The following KIRREL3 variants were observed in gnomAD, a reference collection of about 807,000 sequenced individuals.
KIRREL3 encodes the protein kirre like nephrin family adhesion molecule 3, also known as kin of IRRE-like protein 3.
Under a neutral mutation model 89.7 loss-of-function variants are expected in KIRREL3, and 36 were observed. The ratio of observed to expected loss-of-function variants is 0.40; its 90% CI spans 0.31 to 0.53. The LOEUF is 0.53. Among genes scored for constraint, KIRREL3 ranks in the 20% least tolerant of loss-of-function variants. KIRREL3 has a pLI of 0.49. For missense variants in KIRREL3, 864 were observed against 1,056.6 expected (o/e 0.82, Z 2.53); for synonymous variants, 445 against 441.4 (o/e 1.01, Z -0.10).
intron 1 of KIRREL3, among the ~76,000 whole-genome samples, chr11:126,800,780 C>G (rs1253496019): frequency 2.0e-5 from 3 of 152,144 alleles, no homozygotes; most frequent in Non-Finnish European, 4.4e-5. Context: ...CTGCACAGAA[C>G]CATTCAACCC....
chr11:126,933,472 T>A (rs945943281), intron 1 of KIRREL3, among the ~76,000 whole-genome samples: 2 of 150,930 alleles, frequency 1.3e-5, no homozygotes, highest in Non-Finnish European at 2.9e-5. Flanking sequence ...TCAAATTCAA[T>A]ATCAGATGCT....
At chr11:126,888,450 C>T (rs1273238579) in intron 1 of KIRREL3, among the ~76,000 whole-genome samples, 2 of 152,166 alleles carry the variant, frequency 1.3e-5, no homozygotes. Context: ...GAGGGCGCAA[C>T]AAAAGTTCTA....
rs546555285 is a variant in KIRREL3 at position 126,677,818 on chromosome 11, C to T, written c.56-114906G>A. ...GCCTCCCCCTTTTACTGCATCTCCA[C>T]GAGGCAGAGGAAGTGGCAGTGGCCT... On this transcript the variant is annotated intron_variant, in intron 1 of 16. Transcript: ENST00000525144. The surrounding 1 kb of genome is among the most constrained non-coding windows in gnomAD (Gnocchi z 5.1). Among the ~76,000 whole-genome samples, 10 of 152,252 alleles carry T rather than the reference C, an allele frequency of 6.6e-5. No homozygotes were observed. Among genetic ancestry groups the T allele is most frequent in the Non-Finnish European group, 1.0e-4 (7 of 68,016 alleles).
rs534047974 is a variant in KIRREL3, at chr11:126,476,193, G to A, written c.434-2727C>T. Among the ~76,000 whole-genome samples, 4 of 152,330 alleles carry A rather than the reference G, an allele frequency of 2.6e-5. No homozygotes were observed. The South Asian group carries it at 8.3e-4, about 32-fold the overall frequency. ...AGCCTTGACTGCATGCTCCTCTGCA[G>A]AGGTTTTAAAACCTCACTGCGGGCC... is the stretch of plus-strand genomic sequence containing the variant. On this transcript the variant is annotated intron_variant, in intron 4 of 16. Coordinates refer to ENST00000525144, the MANE Select transcript of KIRREL3 (RefSeq NM_032531.4). The surrounding 1 kb of genome is among the most constrained non-coding windows in gnomAD (Gnocchi z 6.4).
intron 4 of KIRREL3, among the ~76,000 whole-genome samples, chr11:126,507,357 CA>C (rs1214638073): frequency 6.6e-6 from 1 of 152,006 alleles, no homozygotes; most frequent in Non-Finnish European, 1.5e-5. Context: ...AGAGTTTACC[CA>C]AATAAAGCTG....
chr11:126,650,750 A>G (rs1944876432), intron 1 of KIRREL3, among the ~76,000 whole-genome samples: 1 of 152,188 alleles, frequency 6.6e-6, no homozygotes, highest in African/African-American at 2.4e-5. Flanking sequence ...CCTGTTGCCA[A>G]GTTCCAAAGT....
intron 4 of KIRREL3, among the ~76,000 whole-genome samples, chr11:126,509,895 G>A (rs771225666): frequency 1.4e-5 from 2 of 141,152 alleles, no homozygotes; most frequent in South Asian, 2.3e-4. Context: ...AGATTCGCAG[G>A]AGAATCACTT....
rs947230207 is a variant in KIRREL3, at chr11:126,475,068, C to T, written c.434-1602G>A. 2.0e-5 allele frequency among the ~76,000 whole-genome samples: 3 copies of T among 152,292 alleles called. No individual in the cohort carries two copies. ...CCCAGGGCCTCTGGACACATCAAGACGTGAGCTGTCTGTGTACACAGCAAA... is the reference window on the plus strand; with the variant it reads ...CCCAGGGCCTCTGGACACATCAAGATGTGAGCTGTCTGTGTACACAGCAAA... On this transcript the variant is annotated intron_variant, in intron 4 of 16. Transcript: ENST00000525144. The surrounding 1 kb of genome is among the most constrained non-coding windows in gnomAD (Gnocchi z 7.5).
At position 126,435,256 on chromosome 11, in the gene KIRREL3, C is replaced by G; in HGVS notation, c.1588+12G>C. On this transcript the variant is annotated intron_variant, in intron 13 of 16. Coordinates refer to ENST00000525144, the MANE Select transcript of KIRREL3 (RefSeq NM_032531.4). ...CCCTTCCCAGGGCCATTCTCATCAT[C>G]TCCTTCCGTACCTGCTTCCAGCCCG... 6.2e-7 allele frequency: 1 copy of G among 1,613,772 alleles called. No individual in the cohort carries two copies. The highest frequency in any genetic ancestry group is 8.5e-7 in the Non-Finnish European group (1 of 1,179,786).
intron 3 of KIRREL3, among the ~76,000 whole-genome samples, chr11:126,524,517 C>T (rs184690012): frequency 5.3e-5 from 8 of 152,288 alleles, no homozygotes; most frequent in Admixed American, 2.0e-4. Flanking sequence ...CCCTCCGGAT[C>T]GCTGTAGATT....
intron 1 of KIRREL3, among the ~76,000 whole-genome samples, chr11:126,801,925 C>T (rs922787253): frequency 6.9e-5 from 10 of 145,698 alleles, no homozygotes; most frequent in Non-Finnish European, 1.1e-4. Flanking sequence ...CAGAGTGAGA[C>T]GCTGTCTCTT....
At position 126,946,744 on chromosome 11, in the gene KIRREL3, A is replaced by G. The variant is rs1052556645; in HGVS notation, c.55+53711T>C. Among the ~76,000 whole-genome samples, 3 of 152,214 alleles carry G rather than the reference A, an allele frequency of 2.0e-5. No homozygotes were observed. The highest frequency in any genetic ancestry group is 4.4e-5 in the Non-Finnish European group (3 of 68,048). Reference sequence around the variant, plus strand: ...TAATCACTACTCTTATTAATTTTGTACTTATCATATGTCAGGCAACAGAGT... The same window carrying G: ...TAATCACTACTCTTATTAATTTTGTGCTTATCATATGTCAGGCAACAGAGT... On this transcript the variant is annotated intron_variant, in intron 1 of 16. Coordinates refer to ENST00000525144, the MANE Select transcript of KIRREL3 (RefSeq NM_032531.4). This position sits in a 1 kb window ranked among gnomAD's most constrained non-coding sequence, Gnocchi z 4.1.
chr11:126,452,027 C>G (rs1312114976), intron 7 of KIRREL3, among the ~76,000 whole-genome samples: 2 of 152,140 alleles, frequency 1.3e-5, no homozygotes, highest in African/African-American at 2.4e-5. Context: ...AACGCCGTCT[C>G]CTGCCCTTCC....
At chr11:126,938,292 C>A (rs1380275332) in intron 1 of KIRREL3, among the ~76,000 whole-genome samples, 1 of 152,228 alleles carries the variant, frequency 6.6e-6, no homozygotes, top group Non-Finnish European at 1.5e-5. Context: ...ACAGCCACAA[C>A]CACAAAAGCC....
intron 1 of KIRREL3, among the ~76,000 whole-genome samples, chr11:126,971,348 A>C (rs1565467015): frequency 1.3e-5 from 2 of 152,216 alleles, no homozygotes; most frequent in Non-Finnish European, 1.5e-5. Context: ...TTTATCTAAA[A>C]GATTGTAATC....
In KIRREL3 at chr11:126,747,972, C is replaced by T. The variant is rs1300087703; in HGVS notation, c.56-185060G>A. 6.6e-6 allele frequency among the ~76,000 whole-genome samples: 1 copy of T among 152,196 alleles called. No individual in the cohort carries two copies. The highest frequency in any genetic ancestry group is 6.5e-5 in the Admixed American group (1 of 15,292). On this transcript the variant is annotated intron_variant, in intron 1 of 16. Coordinates refer to ENST00000525144, the MANE Select transcript of KIRREL3 (RefSeq NM_032531.4). This position sits in a 1 kb window ranked among gnomAD's most constrained non-coding sequence, Gnocchi z 4.7. ...CAGGTGACTTTCTGCTCTACTCTTTCTCAGTCTCCATCTGACCCGTGCCTA... is the reference window on the plus strand; with the variant it reads ...CAGGTGACTTTCTGCTCTACTCTTTTTCAGTCTCCATCTGACCCGTGCCTA...
intron 1 of KIRREL3, among the ~76,000 whole-genome samples, chr11:126,998,355 G>A (rs1038044215): frequency 6.6e-6 from 1 of 152,166 alleles, no homozygotes; most frequent in African/African-American, 2.4e-5. Flanking sequence ...TATTCAAGAA[G>A]CACACCATGT....
At chr11:126,913,011 C>A in intron 1 of KIRREL3, among the ~76,000 whole-genome samples, 1 of 152,202 alleles carries the variant, frequency 6.6e-6, no homozygotes, top group South Asian at 2.1e-4. Flanking sequence ...GCTGAGCACA[C>A]GTAGTTACCA....
intron 1 of KIRREL3, among the ~76,000 whole-genome samples, chr11:126,939,015 A>G (rs1476207628): frequency 1.3e-5 from 2 of 152,152 alleles, no homozygotes; most frequent in East Asian, 1.9e-4. Flanking sequence ...GTGAGAAGGA[A>G]GCTCCTAGCT....
Sources: allele counts gnomAD v4.1 joint callset (sites outside exome capture counted in the v4.1 genomes callset), GRCh38; gene constraint gnomAD v4.1.1; non-coding constraint Gnocchi (gnomAD v3.1); transcripts MANE v1.5; gene names NCBI Gene and HGNC (gene_info 2026-07-23, HGNC 2026-07-21).